TBC1D12: variants seen among roughly 807,000 people sequenced by gnomAD.
TBC1D12 encodes the protein TBC1 domain family, member 12.
Under a neutral mutation model 86.7 loss-of-function variants are expected in TBC1D12, and 56 were observed. The observed-to-expected ratio is 0.65, with a 90% CI of 0.52 to 0.81. TBC1D12 has a LOEUF of 0.81. TBC1D12 is among the 30% of genes least tolerant of loss of function. TBC1D12 has a pLI of 0.00. For missense variants in TBC1D12, 1,023 were observed against 1,038.8 expected (o/e 0.98, Z 0.21); for synonymous variants, 421 against 411.7 (o/e 1.02, Z -0.27).
At chr10:94,526,561 G>A (rs1842294366) in intron 11 of TBC1D12, among the ~76,000 whole-genome samples, 1 of 152,116 alleles carries the variant, frequency 6.6e-6, no homozygotes. Context: ...CAAATGACAG[G>A]ATTTCATTCT....
At chr10:94,458,844 C>T (rs1564956515) in intron 2 of TBC1D12, among the ~76,000 whole-genome samples, 1 of 152,156 alleles carries the variant, frequency 6.6e-6, no homozygotes, top group Non-Finnish European at 1.5e-5. Context: ...CATGGTCTTG[C>T]TGCCTTCAGG....
chr10:94,487,431 T>C (rs1285801165), intron 3 of TBC1D12, among the ~76,000 whole-genome samples: 1 of 151,842 alleles, frequency 6.6e-6, no homozygotes, highest in Non-Finnish European at 1.5e-5. Flanking sequence ...AGTGATTTTT[T>C]TTTTGGTGGT....
chr10:94,497,351 T>A (rs187866814), intron 5 of TBC1D12, among the ~76,000 whole-genome samples, 179 bp downstream of exon 5: 1 of 152,130 alleles, frequency 6.6e-6, no homozygotes. Flanking sequence ...TGTTTCTGAT[T>A]CTGTATTTTT....
At chr10:94,473,864 T>A (rs2055946973) in intron 2 of TBC1D12, among the ~76,000 whole-genome samples, 1 of 152,208 alleles carries the variant, frequency 6.6e-6, no homozygotes. Flanking sequence ...ATTAAATTAA[T>A]TTATTTTAAT....
intron 3 of TBC1D12, among the ~76,000 whole-genome samples, chr10:94,491,230 C>T (rs138377831): frequency 6.6e-6 from 1 of 152,216 alleles, no homozygotes; most frequent in African/African-American, 2.4e-5. Flanking sequence ...TCCATTATGG[C>T]CTGAAGCAGA....
chr10:94,442,324 C>T (rs1437672856), intron 2 of TBC1D12, among the ~76,000 whole-genome samples: 1 of 151,970 alleles, frequency 6.6e-6, no homozygotes, highest in Non-Finnish European at 1.5e-5. Flanking sequence ...TCACCACATA[C>T]TGTTTGACTT....
rs779184123 is a variant in TBC1D12, at chr10:94,402,993, C to T, written c.380C>T (p.Ala127Val). 1.8e-5 allele frequency: 28 copies of T among 1,574,854 alleles called. No homozygotes were observed. The highest frequency in any genetic ancestry group is 2.2e-5 in the Non-Finnish European group (26 of 1,165,038). ...HRGAEVADGR[A>V]PRHEGMTNGD... ...GGCGCGGAGGTGGCTGATGGCCGCG[C>T]GCCGCGGCACGAAGGCATGACCAAC... Residue 127 changes from alanine (A) to valine (V), a missense_variant, in exon 1 of 13, where the codon GCG (alanine) becomes GTG (valine). Physicochemically the swap from Ala to Val is moderately conservative, Grantham distance 64 (BLOSUM62 0). Coordinates refer to ENST00000225235, the MANE Select transcript of TBC1D12 (RefSeq NM_015188.2).
In TBC1D12 at chr10:94,407,467, A is replaced by C. The variant is rs185586877; in HGVS notation, c.971+3883A>C. On this transcript the variant is annotated intron_variant, in intron 1 of 12. Coordinates refer to ENST00000225235, the MANE Select transcript of TBC1D12 (RefSeq NM_015188.2). Reference sequence around the variant, plus strand: ...GAGGCTGAGGCGGGTGGATCACCTGAGGTCAAGAGTTCGAGACCAGCCTGG... The same window carrying C: ...GAGGCTGAGGCGGGTGGATCACCTGCGGTCAAGAGTTCGAGACCAGCCTGG... Among the ~76,000 whole-genome samples the C allele has an allele frequency of 6.9e-3, 1,054 of 152,352 alleles. 8 individuals carry two copies. The highest frequency in any genetic ancestry group is 0.01 in the Non-Finnish European group (712 of 68,022).
chr10:94,489,954 A>T (rs2056224237), intron 3 of TBC1D12, among the ~76,000 whole-genome samples: 1 of 152,304 alleles, frequency 6.6e-6, no homozygotes, highest in African/African-American at 2.4e-5. Context: ...AGTTTGAAAT[A>T]TTGCAAGAAT....
At position 94,534,248 on chromosome 10, in the gene TBC1D12, A is replaced by G. The variant is rs201120679; in HGVS notation, c.*1152A>G. Reference sequence around the variant, plus strand: ...GTCAGTGCCATCTTAATCTCTTCACATGGTACACTAAATGCTGCCTATAAC... The same window carrying G: ...GTCAGTGCCATCTTAATCTCTTCACGTGGTACACTAAATGCTGCCTATAAC... On this transcript the variant is annotated 3_prime_UTR_variant, in exon 13 of 13. Transcript: ENST00000225235. 6.6e-6 allele frequency: 1 copy of G among 152,142 alleles called. No individual in the cohort carries two copies. The highest frequency in any genetic ancestry group is 1.9e-4 in the East Asian group (1 of 5,192). 9.4% of individuals were successfully genotyped at this position (152,142 alleles called of 1,614,324 possible).
rs1446284695 is a variant in TBC1D12 at position 94,534,131 on chromosome 10, A to C, written c.*1035A>C. 1.3e-5 allele frequency: 2 copies of C among 152,172 alleles called. No individual in the cohort carries two copies. Among genetic ancestry groups the C allele is most frequent in the African/African-American group, 2.4e-5 (1 of 41,436 alleles). 9.4% of individuals were successfully genotyped at this position (152,172 alleles called of 1,614,324 possible). ...AAGAATAAAAGAAAAAGGTAAAGTT[A>C]ATTTTTTTTCTAAGTCTACATCCTA... On this transcript the variant is annotated 3_prime_UTR_variant, in exon 13 of 13. Coordinates refer to ENST00000225235, the MANE Select transcript of TBC1D12 (RefSeq NM_015188.2).
chr10:94,470,690 C>CTTTTTTTTTTTTT (rs35586245), intron 2 of TBC1D12, among the ~76,000 whole-genome samples: 47 of 105,770 alleles, frequency 4.4e-4, no homozygotes, highest in East Asian at 1.5e-3. Flanking sequence ...ATTTGTAATT[C>CTTTTTTTTTTTTT]TTTTTTTTTT....
intron 1 of TBC1D12, among the ~76,000 whole-genome samples, chr10:94,427,375 A>G (rs1295846696): frequency 1.3e-5 from 2 of 152,180 alleles, no homozygotes; most frequent in South Asian, 2.1e-4. Context: ...CCCTTTGAAT[A>G]TCTTAGATAC....
intron 1 of TBC1D12, among the ~76,000 whole-genome samples, chr10:94,408,717 A>G (rs986796604): frequency 2.6e-5 from 4 of 152,178 alleles, no homozygotes; most frequent in Non-Finnish European, 5.9e-5. Flanking sequence ...TGCCTCCACC[A>G]GTCAACTAAA....
intron 1 of TBC1D12, among the ~76,000 whole-genome samples, chr10:94,427,553 T>C (rs2055162431): frequency 6.6e-6 from 1 of 152,052 alleles, no homozygotes; most frequent in Non-Finnish European, 1.5e-5. Context: ...AGATCTCAGC[T>C]GGGCATGGTG....
chr10:94,454,637 T>C (rs1411583741), intron 2 of TBC1D12, among the ~76,000 whole-genome samples: 1 of 152,274 alleles, frequency 6.6e-6, no homozygotes, highest in Non-Finnish European at 1.5e-5. Flanking sequence ...TATACCTAAG[T>C]ATTTCATTTT....
At chr10:94,523,955 C>T (rs1021704939) in intron 11 of TBC1D12, among the ~76,000 whole-genome samples, 4 of 152,014 alleles carry the variant, frequency 2.6e-5, no homozygotes, top group Non-Finnish European at 4.4e-5. Flanking sequence ...GGTGACAGAA[C>T]GAGATCCTAT....
intron 2 of TBC1D12, among the ~76,000 whole-genome samples, chr10:94,474,213 T>C (rs760536797): frequency 8.5e-5 from 13 of 152,184 alleles, no homozygotes; most frequent in Non-Finnish European, 1.8e-4. Flanking sequence ...GCTGATATCA[T>C]AGAAGGCAAT....
chr10:94,486,867 A>AT (rs2056170195), intron 3 of TBC1D12, among the ~76,000 whole-genome samples: 1 of 151,980 alleles, frequency 6.6e-6, no homozygotes, highest in Admixed American at 6.6e-5. Flanking sequence ...TTCTTTGTTG[A>AT]TTTTCTATCT....
Sources: allele counts gnomAD v4.1 joint callset (sites outside exome capture counted in the v4.1 genomes callset), GRCh38; gene constraint gnomAD v4.1.1; transcripts MANE v1.5; gene names NCBI Gene and HGNC (gene_info 2026-07-23, HGNC 2026-07-21).